The following SBF2 variants were observed in gnomAD, a reference collection of about 807,000 sequenced individuals.
SBF2 encodes the protein myotubularin-related protein 13.
SBF2 carries 112 observed loss-of-function variants against 225.2 expected under a neutral mutation model. The observed-to-expected ratio is 0.50, with a 90% CI of 0.43 to 0.58. SBF2 has a LOEUF of 0.58. SBF2 is among the 20% of genes least tolerant of loss of function. The probability of loss-of-function intolerance (pLI) is 0.00; values close to 1 mark genes in which losing one functional copy is unlikely to be tolerated. For missense variants in SBF2, 1,996 were observed against 2,206.2 expected, an observed-to-expected ratio of 0.90 and a Z score of 1.91; for synonymous variants, 763 against 773.3, an observed-to-expected ratio of 0.99 and a Z score of 0.22.
chr11:10,193,977 T>C lies in SBF2; in HGVS notation c.66A>G (p.Glu22=), dbSNP rs1468247522. 6.2e-7 allele frequency: 1 copy of C among 1,608,210 alleles called. No homozygotes were observed. The highest frequency in any genetic ancestry group is 1.1e-5 in the South Asian group (1 of 90,948). Residue 22 remains glutamate, a synonymous_variant, in exon 2 of 40, where the codon GAA becomes GAG. Transcript: ENST00000256190. ...GYDHEKPGSG[E]GLGKIIQRFP... is the part of the protein sequence containing the mutation. ...ATCTCTGGATTATTTTCCCCAGACC[T>C]TCTCCTGATCCTGTTAATAAAATCA...
intron 16 of SBF2, among the ~76,000 whole-genome samples, chr11:9,939,772 A>C (rs1865139399): frequency 6.6e-6 from 1 of 152,158 alleles, no homozygotes; most frequent in African/African-American, 2.4e-5. Context: ...ATAAAGACGT[A>C]TATACAAGGA....
At chr11:10,287,179 G>C (rs920152643) in intron 1 of SBF2, among the ~76,000 whole-genome samples, 4 of 152,140 alleles carry the variant, frequency 2.6e-5, no homozygotes, top group African/African-American at 9.7e-5. Context: ...AAAACATACA[G>C]ACAGAAAACA....
intron 25 of SBF2, 122 bp from the exon 26 acceptor site, chr11:9,839,818 G>T (rs1258477572): frequency 1.8e-5 from 21 of 1,142,050 alleles, no homozygotes; most frequent in Non-Finnish European, 2.8e-5. Flanking sequence ...AGATATCAAA[G>T]AAATGATTAG....
intron 2 of SBF2, among the ~76,000 whole-genome samples, chr11:10,098,090 C>CTA (rs1952107657): frequency 6.6e-6 from 1 of 152,104 alleles, no homozygotes. Context: ...GCCAACTAGG[C>CTA]TATATGTTCC....
At chr11:9,964,259 C>G (rs1866761314) in intron 14 of SBF2, among the ~76,000 whole-genome samples, 1 of 152,068 alleles carries the variant, frequency 6.6e-6, no homozygotes, top group African/African-American at 2.4e-5. Context: ...TATTAGAAAA[C>G]AAACAAAAAC....
intron 16 of SBF2, among the ~76,000 whole-genome samples, chr11:9,903,752 G>A (rs1184655886): frequency 6.6e-6 from 1 of 152,158 alleles, no homozygotes; most frequent in Non-Finnish European, 1.5e-5. Context: ...TAAGTGCAGT[G>A]CCCTCCTTAC....
intron 32 of SBF2, among the ~76,000 whole-genome samples, chr11:9,804,780 C>T (rs1442874231): frequency 6.6e-6 from 1 of 152,132 alleles, no homozygotes; most frequent in Non-Finnish European, 1.5e-5. Flanking sequence ...ATATTTCATT[C>T]CCTTTGTGTG....
chr11:10,159,770 G>T (rs1165915122), intron 2 of SBF2, among the ~76,000 whole-genome samples: 1 of 151,954 alleles, frequency 6.6e-6, no homozygotes, highest in Non-Finnish European at 1.5e-5. Flanking sequence ...GGTGCCTATA[G>T]TCCCAGCTAC....
chr11:9,953,067 T>C (rs1865952147), intron 16 of SBF2, among the ~76,000 whole-genome samples: 1 of 152,210 alleles, frequency 6.6e-6, no homozygotes, highest in African/African-American at 2.4e-5. Context: ...TTCCTGCACA[T>C]GAATGTTTCT....
chr11:9,979,676 GTAT>G (rs1290485498), intron 13 of SBF2, among the ~76,000 whole-genome samples: 3 of 152,060 alleles, frequency 2.0e-5, no homozygotes, highest in Admixed American at 2.0e-4. Context: ...TGCTAAACCA[GTAT>G]TATGATTTAA....
chr11:10,018,331 CAT>C (rs1437412128), intron 6 of SBF2, among the ~76,000 whole-genome samples: 1 of 151,654 alleles, frequency 6.6e-6, no homozygotes, highest in East Asian at 1.9e-4. Context: ...ACGGTTAAAA[CAT>C]AAAATAATAG....
chr11:9,903,321 CA>C (rs537561647), intron 16 of SBF2, among the ~76,000 whole-genome samples: 1 of 139,684 alleles, frequency 7.2e-6, no homozygotes. Flanking sequence ...GATTCCGTCT[CA>C]AAAAAAAAGA....
intron 1 of SBF2, among the ~76,000 whole-genome samples, chr11:10,197,143 C>T (rs909305787): frequency 1.3e-5 from 2 of 152,096 alleles, no homozygotes; most frequent in African/African-American, 4.8e-5. Flanking sequence ...GACAACATTT[C>T]TTCCTTTTAC....
chr11:10,067,040 G>A (rs1353056873), intron 2 of SBF2, among the ~76,000 whole-genome samples: 1 of 152,162 alleles, frequency 6.6e-6, no homozygotes, highest in Non-Finnish European at 1.5e-5. Flanking sequence ...CATTTTGGGA[G>A]TGTGAAATGG....
At chr11:10,072,735 T>TTC (rs1555011621) in intron 2 of SBF2, among the ~76,000 whole-genome samples, 6 of 120,020 alleles carry the variant, frequency 5.0e-5, no homozygotes, top group Admixed American at 3.5e-4. Flanking sequence ...TTTTTTTTTC[T>TTC]TTTTTTTTTT....
Position 9,779,062 on chromosome 11 carries a change from A to C in SBF2, c.*1356T>G, listed in dbSNP as rs923703253. The C allele has an allele frequency of 6.6e-6, 1 of 152,652 alleles. No individual in the cohort carries two copies. Among genetic ancestry groups the C allele is most frequent in the African/African-American group, 2.4e-5 (1 of 41,460 alleles). 9.5% of individuals were successfully genotyped at this position (152,652 alleles called of 1,614,324 possible). On this transcript the variant is annotated 3_prime_UTR_variant, in exon 40 of 40. Coordinates refer to ENST00000256190, the MANE Select transcript of SBF2 (RefSeq NM_030962.4). ...ATTCTTAATTATCCCCAGATTTCTT[A>C]TATATTAACACAGTTCTATTTCCTA...
intron 1 of SBF2, among the ~76,000 whole-genome samples, chr11:10,291,695 C>CAT (rs1292745803): frequency 1.4e-5 from 2 of 147,778 alleles, no homozygotes; most frequent in Admixed American, 6.8e-5. Context: ...CACACACACA[C>CAT]ACAGACTCCA....
At chr11:10,226,349 G>C (rs2218305) in intron 1 of SBF2, among the ~76,000 whole-genome samples, 63,406 of 151,772 alleles carry the variant, frequency 0.42, 13,980 homozygotes, top group Non-Finnish European at 0.49. Context: ...TATTATTATA[G>C]TTTAAGTTTT....
At chr11:10,144,119 C>G (rs976983216) in intron 2 of SBF2, among the ~76,000 whole-genome samples, 1 of 152,202 alleles carries the variant, frequency 6.6e-6, no homozygotes, top group Non-Finnish European at 1.5e-5. Flanking sequence ...TGCATTTACG[C>G]TTTGCATATT....
Sources: allele counts gnomAD v4.1 joint callset (sites outside exome capture counted in the v4.1 genomes callset), GRCh38; gene constraint gnomAD v4.1.1; transcripts MANE v1.5; gene names NCBI Gene and HGNC (gene_info 2026-07-23, HGNC 2026-07-21).